Variants in TCF7L2 observed in about 807,000 individuals in gnomAD.
TCF7L2 encodes transcription factor 7 like 2.
In TCF7L2, 23 loss-of-function variants were observed where a neutral mutation model predicts 77.9. That is an observed-to-expected ratio of 0.30 (90% CI 0.21 to 0.42). TCF7L2 has a LOEUF of 0.42. Among genes scored for constraint, TCF7L2 ranks in the 10% least tolerant of loss-of-function variants. TCF7L2 has a pLI of 1.00. For missense variants in TCF7L2, 654 were observed against 793.1 expected (o/e 0.82, Z 2.11); for synonymous variants, 413 against 340.2 (o/e 1.21, Z -2.36).
chr10:113,062,969 G>A lies in TCF7L2; in HGVS notation c.552+22843G>A, dbSNP rs143089286. Among the ~76,000 whole-genome samples, 414 of 152,222 alleles carry A rather than the reference G, an allele frequency of 2.7e-3. 3 individuals are homozygous for A. Among genetic ancestry groups the A allele is most frequent in the African/African-American group, 9.1e-3 (377 of 41,536 alleles). On this transcript the variant is annotated intron_variant, in intron 5 of 13. Coordinates refer to ENST00000627217, the MANE Select transcript of TCF7L2 (RefSeq NM_001146274.2). ...ACACATGTATCATGAATAATTAGTT[G>A]GGGACTGTGCATCAGGTCTCTCATT... is the stretch of plus-strand genomic sequence containing the variant.
At chr10:113,071,707 G>A (rs1042945574) in intron 5 of TCF7L2, among the ~76,000 whole-genome samples, 5 of 152,212 alleles carry the variant, frequency 3.3e-5, no homozygotes, top group African/African-American at 1.2e-4. Flanking sequence ...GGCGAGTTGT[G>A]TGTGAGTTGG....
intron 5 of TCF7L2, among the ~76,000 whole-genome samples, chr10:113,118,777 A>T (rs2064292763): frequency 6.6e-6 from 1 of 151,378 alleles, no homozygotes; most frequent in Non-Finnish European, 1.5e-5. Context: ...AAGTTGTGGC[A>T]TGTTATCATA....
intron 4 of TCF7L2, among the ~76,000 whole-genome samples, chr10:112,994,042 G>A (rs1480397308): frequency 2.3e-4 from 34 of 146,816 alleles, no homozygotes; most frequent in African/African-American, 8.2e-4. Flanking sequence ...GCGGCAGAGC[G>A]AGACTCTGTC....
intron 4 of TCF7L2, among the ~76,000 whole-genome samples, chr10:113,020,080 G>C (rs549346987): frequency 7.2e-5 from 11 of 152,304 alleles, no homozygotes; most frequent in African/African-American, 2.6e-4. Context: ...GCTGTGGCCC[G>C]AGGGTAAGCT....
chr10:113,159,472 G>GA (rs779421573), intron 12 of TCF7L2, among the ~76,000 whole-genome samples: 2 of 151,632 alleles, frequency 1.3e-5, no homozygotes, highest in Non-Finnish European at 2.9e-5. Flanking sequence ...ATTCTGAGAA[G>GA]AAAAAAGCAT....
chr10:112,958,116 ATCAGCCGAGGTGTTC>A (rs1194793735), intron 3 of TCF7L2, among the ~76,000 whole-genome samples: 1 of 152,240 alleles, frequency 6.6e-6, no homozygotes, highest in African/African-American at 2.4e-5. Context: ...TGAACGGGTT[ATCAGCCGAGGTGTTC>A]TTTGCTTTTC....
chr10:113,040,912 A>G (rs1217494311), intron 5 of TCF7L2, among the ~76,000 whole-genome samples: 2 of 152,260 alleles, frequency 1.3e-5, no homozygotes, highest in Non-Finnish European at 2.9e-5. Flanking sequence ...AATGGAAGGC[A>G]TATTTTTATA....
chr10:113,065,345 T>G (rs2057109413), intron 5 of TCF7L2, among the ~76,000 whole-genome samples: 6 of 152,210 alleles, frequency 3.9e-5, no homozygotes, highest in Admixed American at 3.9e-4. Flanking sequence ...CAGAAGACAT[T>G]CATAGATCTG....
At chr10:113,066,169 C>A (rs2057228077) in intron 5 of TCF7L2, among the ~76,000 whole-genome samples, 1 of 152,022 alleles carries the variant, frequency 6.6e-6, no homozygotes, top group Non-Finnish European at 1.5e-5. Flanking sequence ...ACGAGACCAG[C>A]CTGGCTAACA....
intron 5 of TCF7L2, among the ~76,000 whole-genome samples, chr10:113,091,295 A>G (rs775481224): frequency 1.3e-3 from 202 of 152,352 alleles, no homozygotes; most frequent in African/African-American, 4.2e-3. Context: ...ATTATACCTC[A>G]TACGGTTTTG....
chr10:112,994,814 A>AG (rs1394649359), intron 4 of TCF7L2, among the ~76,000 whole-genome samples: 2 of 152,128 alleles, frequency 1.3e-5, no homozygotes, highest in African/African-American at 4.8e-5. Flanking sequence ...TTAAAAAAAA[A>AG]GAAGGCCAGG....
At chr10:113,045,256 T>C (rs1028013480) in intron 5 of TCF7L2, among the ~76,000 whole-genome samples, 3 of 152,198 alleles carry the variant, frequency 2.0e-5, no homozygotes, top group African/African-American at 7.2e-5. Flanking sequence ...GCGCTTCCTA[T>C]GCGAGGCTTG....
At chr10:112,961,797 G>A (rs2035300328) in intron 3 of TCF7L2, among the ~76,000 whole-genome samples, 2 of 150,714 alleles carry the variant, frequency 1.3e-5, no homozygotes, top group Admixed American at 6.6e-5. Flanking sequence ...GGTTTTCTGT[G>A]TCGCTGGGCA....
chr10:113,059,139 T>C (rs1183046564), intron 5 of TCF7L2, among the ~76,000 whole-genome samples: 1 of 152,172 alleles, frequency 6.6e-6, no homozygotes, highest in Non-Finnish European at 1.5e-5. Flanking sequence ...GAGGAAAATA[T>C]TGATGTACAC....
intron 4 of TCF7L2, among the ~76,000 whole-genome samples, chr10:113,021,364 A>G (rs2048246193): frequency 6.6e-6 from 1 of 152,082 alleles, no homozygotes; most frequent in Non-Finnish European, 1.5e-5. Flanking sequence ...TACACCTCCT[A>G]GGAAGTAAGT....
At chr10:113,102,001 T>A (rs892629561) in intron 5 of TCF7L2, among the ~76,000 whole-genome samples, 6 of 146,288 alleles carry the variant, frequency 4.1e-5, no homozygotes, top group Admixed American at 2.1e-4. Context: ...TAGCCGGGCG[T>A]GGTGGTGTAC....
chr10:113,025,806 C>T (rs1564798523), intron 4 of TCF7L2, among the ~76,000 whole-genome samples: 1 of 151,982 alleles, frequency 6.6e-6, no homozygotes, highest in African/African-American at 2.4e-5. Flanking sequence ...TTTCAAAGCC[C>T]CAGAAGTACT....
chr10:112,967,566 A>G (rs1352125193), intron 4 of TCF7L2, among the ~76,000 whole-genome samples: 1 of 152,220 alleles, frequency 6.6e-6, no homozygotes, highest in Non-Finnish European at 1.5e-5. Context: ...TTGAAAAGAC[A>G]AGAGCAACTC....
Position 113,158,064 on chromosome 10 carries a change from C to A in TCF7L2, c.1313C>A (p.Thr438Asn), listed in dbSNP as rs372105926. 1.2e-5 allele frequency: 19 copies of A among 1,597,686 alleles called. No homozygotes were observed. Among genetic ancestry groups the A allele is most frequent in the Non-Finnish European group, 1.6e-5 (19 of 1,171,352 alleles). The stretch of plus-strand genomic sequence containing the variant: ...AAAAGGGACAAGCAGCCGGGAGAGA[C>A]CAATGGTAAGTGACAATCATCAGGT... Residue 438 changes from threonine to asparagine, a missense_variant, in exon 12 of 14, where the codon ACC becomes AAC. Transcript: ENST00000627217.
Sources: allele counts gnomAD v4.1 joint callset (sites outside exome capture counted in the v4.1 genomes callset), GRCh38; gene constraint gnomAD v4.1.1; transcripts MANE v1.5; gene names NCBI Gene and HGNC (gene_info 2026-07-23, HGNC 2026-07-21).